Variants in NKAIN2 observed in about 807,000 individuals in gnomAD.
NKAIN2 encodes the protein sodium/potassium transporting ATPase interacting 2.
In NKAIN2, 14 loss-of-function variants were observed where a neutral mutation model predicts 32.6. The ratio of observed to expected loss-of-function variants is 0.43; its 90% CI spans 0.28 to 0.67. The LOEUF (loss-of-function observed/expected upper bound fraction) is 0.67, where lower values mean the gene tolerates loss of function less well. Ranked by LOEUF, NKAIN2 falls within the 30% of genes least tolerant of loss-of-function variation. The pLI is 0.17. For synonymous variants in NKAIN2, 80 were observed against 87.2 expected, an observed-to-expected ratio of 0.92 and a Z score of 0.46; for missense variants, 198 against 258.3, an observed-to-expected ratio of 0.77 and a Z score of 1.60.
chr6:124,292,584 A>C (rs1474230103), intron 2 of NKAIN2, among the ~76,000 whole-genome samples: 2 of 151,228 alleles, frequency 1.3e-5, no homozygotes, highest in African/African-American at 4.9e-5. Flanking sequence ...GGGGAAGGCA[A>C]CCCCATAGGT....
chr6:123,903,347 C>T (rs141192247), intron 1 of NKAIN2, among the ~76,000 whole-genome samples: 1 of 152,058 alleles, frequency 6.6e-6, no homozygotes, highest in East Asian at 1.9e-4. Flanking sequence ...TAAATTCCTA[C>T]CAAAATAAGA....
intron 5 of NKAIN2, among the ~76,000 whole-genome samples, chr6:124,796,889 G>A (rs574492894): frequency 1.3e-5 from 2 of 152,274 alleles, no homozygotes; most frequent in East Asian, 1.9e-4. Flanking sequence ...GCCATGCAGA[G>A]CTTTCCTTAT....
At chr6:123,878,426 C>G (rs1322336398) in intron 1 of NKAIN2, among the ~76,000 whole-genome samples, 1 of 152,094 alleles carries the variant, frequency 6.6e-6, no homozygotes, top group Non-Finnish European at 1.5e-5. Context: ...AGTCAGTTGT[C>G]AAGACCTGTC....
At chr6:124,196,621 ACT>A (rs1790326670) in intron 1 of NKAIN2, among the ~76,000 whole-genome samples, 2 of 151,704 alleles carry the variant, frequency 1.3e-5, no homozygotes, top group African/African-American at 4.8e-5. Context: ...TTGCACTAAC[ACT>A]CTTACACATT....
At chr6:124,151,011 G>A (rs1489562442) in intron 1 of NKAIN2, among the ~76,000 whole-genome samples, 3 of 151,808 alleles carry the variant, frequency 2.0e-5, no homozygotes, top group African/African-American at 7.3e-5. Flanking sequence ...TTGAATAATG[G>A]CATTATTGAA....
chr6:124,678,779 C>T (rs12525081), intron 4 of NKAIN2, among the ~76,000 whole-genome samples: 27,352 of 151,940 alleles, frequency 0.18, 2,722 homozygotes, highest in East Asian at 0.34. Context: ...AACTTTTGTT[C>T]GGATTCACAC....
chr6:123,978,745 T>C (rs1393318159), intron 1 of NKAIN2, among the ~76,000 whole-genome samples: 1 of 152,154 alleles, frequency 6.6e-6, no homozygotes, highest in African/African-American at 2.4e-5. Context: ...TATATCTTGT[T>C]AAGGCTTATT....
chr6:123,943,260 A>G (rs76314233), intron 1 of NKAIN2, among the ~76,000 whole-genome samples: 1,736 of 152,190 alleles, frequency 0.011, 29 homozygotes, highest in African/African-American at 0.04. Flanking sequence ...CTTATCACCT[A>G]TTAAATATGC....
intron 1 of NKAIN2, among the ~76,000 whole-genome samples, chr6:124,197,741 C>G (rs183307698): frequency 5.5e-4 from 83 of 152,046 alleles, no homozygotes; most frequent in African/African-American, 2.0e-3. Flanking sequence ...CTTCATGCCC[C>G]TTGGTAATCA....
At chr6:124,092,077 A>C (rs889223021) in intron 1 of NKAIN2, among the ~76,000 whole-genome samples, 1 of 152,036 alleles carries the variant, frequency 6.6e-6, no homozygotes, top group Non-Finnish European at 1.5e-5. Context: ...TTAGTATGCC[A>C]TATGCCCTTT....
intron 1 of NKAIN2, among the ~76,000 whole-genome samples, chr6:124,230,712 C>T (rs968712120): frequency 8.6e-5 from 13 of 152,038 alleles, no homozygotes; most frequent in South Asian, 2.1e-4. Flanking sequence ...AAGCTTCATG[C>T]GGGTGCACCG....
At chr6:124,204,788 T>C (rs984872989) in intron 1 of NKAIN2, among the ~76,000 whole-genome samples, 1 of 151,780 alleles carries the variant, frequency 6.6e-6, no homozygotes, top group Non-Finnish European at 1.5e-5. Context: ...CAAAGCCAGG[T>C]TATATGCAGC....
intron 1 of NKAIN2, among the ~76,000 whole-genome samples, chr6:123,894,409 T>C (rs1326756653): frequency 6.6e-6 from 1 of 152,110 alleles, no homozygotes; most frequent in East Asian, 1.9e-4. Context: ...ATTATGTTGA[T>C]AGAGAAACAG....
chr6:124,310,688 C>A (rs1317131959), intron 2 of NKAIN2, among the ~76,000 whole-genome samples: 1 of 151,978 alleles, frequency 6.6e-6, no homozygotes, highest in African/African-American at 2.4e-5. Context: ...CAAATATGAC[C>A]CGAATCTCCA....
rs373014649 is a variant in NKAIN2 at position 124,368,400 on chromosome 6, T to C, written c.273+13053T>C. On this transcript the variant is annotated intron_variant, in intron 3 of 6. Transcript: ENST00000368417. The stretch of plus-strand genomic sequence containing the variant: ...GACTCTATGAATGAACTGCTTTAAT[T>C]TGTACTTTCTTACTTTGACATCTTT... Among the ~76,000 whole-genome samples, 24 of 152,242 alleles carry C rather than the reference T, an allele frequency of 1.6e-4. No homozygotes were observed. In the East Asian group the frequency reaches 4.3e-3, roughly 27 times the overall value.
At chr6:124,347,337 A>G (rs1053885342) in intron 2 of NKAIN2, among the ~76,000 whole-genome samples, 3 of 151,854 alleles carry the variant, frequency 2.0e-5, no homozygotes, top group African/African-American at 7.3e-5. Context: ...CTCGAGGAGT[A>G]TCTTTGTGGC....
intron 1 of NKAIN2, among the ~76,000 whole-genome samples, chr6:124,153,344 C>G: frequency 6.6e-6 from 1 of 151,692 alleles, no homozygotes; most frequent in Admixed American, 6.6e-5. Flanking sequence ...GTTTCTACAT[C>G]AATTTTAGAA....
chr6:124,683,275 G>C (rs567452072), intron 4 of NKAIN2, among the ~76,000 whole-genome samples: 1 of 152,112 alleles, frequency 6.6e-6, no homozygotes, highest in Non-Finnish European at 1.5e-5. Flanking sequence ...AGAAAATTCC[G>C]TTCCTGTGGG....
intron 1 of NKAIN2, among the ~76,000 whole-genome samples, chr6:124,238,102 G>A (rs983620729): frequency 6.6e-6 from 1 of 152,158 alleles, no homozygotes; most frequent in Non-Finnish European, 1.5e-5. Context: ...GGAAAAAAGG[G>A]TTGGGAGTTC....
Sources: allele counts gnomAD v4.1 joint callset (sites outside exome capture counted in the v4.1 genomes callset), GRCh38; gene constraint gnomAD v4.1.1; transcripts MANE v1.5; gene names NCBI Gene and HGNC (gene_info 2026-07-23, HGNC 2026-07-21).